Variants in ABCA9 observed in about 807,000 individuals in gnomAD.
ABCA9 encodes ATP binding cassette subfamily A member 9.
A neutral mutation model predicts 205.3 loss-of-function variants in ABCA9; 183 were observed. The ratio of observed to expected loss-of-function variants is 0.89; its 90% CI spans 0.79 to 1.01. ABCA9 has a LOEUF of 1.01. Ranked by LOEUF, ABCA9 falls within the 50% of genes least tolerant of loss-of-function variation. The pLI is 0.00. For synonymous variants in ABCA9, 651 were observed against 683.3 expected (o/e 0.95, Z 0.74); for missense variants, 1,805 against 1,912.4 (o/e 0.94, Z 1.05).
At chr17:69,061,890 G>A (rs2072264647), upstream of ABCA9, among the ~76,000 whole-genome samples, 1 of 152,158 alleles carries the variant, frequency 6.6e-6, no homozygotes, top group Non-Finnish European at 1.5e-5. Context: ...AAATTCTTCA[G>A]TACTGTAATT....
At position 68,990,957 on chromosome 17, in the gene ABCA9, T is replaced by G; in HGVS notation, c.3717A>C (p.Arg1239Ser). 1.2e-6 allele frequency: 2 copies of G among 1,607,514 alleles called. No homozygotes were observed. The highest frequency in any genetic ancestry group is 1.7e-6 in the Non-Finnish European group (2 of 1,178,450). ...KKLMRKDPVF[R>S]ISPRSNAIFP... ...AAATAGCGTTGCTTCTTGGAGAAAT[T>G]CTGAAATCAAAACAGTGTGATAATG... Residue 1239 changes from arginine to serine, a missense_variant and splice_region_variant, in exon 29 of 39, where the codon AGA becomes AGC. Arg to Ser is a moderately radical substitution (Grantham distance 110). Coordinates refer to ENST00000340001, the MANE Select transcript of ABCA9 (RefSeq NM_080283.4).
At chr17:68,985,695 C>G (rs956101485) in intron 32 of ABCA9, among the ~76,000 whole-genome samples, 59 of 152,174 alleles carry the variant, frequency 3.9e-4, no homozygotes, top group Non-Finnish European at 6.8e-4. Flanking sequence ...CCAGGTGGCT[C>G]ACACCTGTAA....
In ABCA9 at chr17:69,045,160, T is replaced by G. The variant is rs2071669430; in HGVS notation, c.469+12A>C. 6.2e-7 allele frequency: 1 copy of G among 1,609,690 alleles called. No homozygotes were observed. Among genetic ancestry groups the G allele is most frequent in the African/African-American group, 1.3e-5 (1 of 74,534 alleles). On this transcript the variant is annotated intron_variant, in intron 4 of 38. Transcript: ENST00000340001. ...AATAGCAAAAAAAATTTTTTTCTTC[T>G]TCAAAAGTTACCTGAATGGTCTCTG...
chr17:68,992,532 G>T, intron 27 of ABCA9: 1 of 255,162 alleles, frequency 3.9e-6, no homozygotes, highest in Non-Finnish European at 7.5e-6. Context: ...AGGAGTCCAG[G>T]GCCAGGAGCG....
intron 6 of ABCA9, among the ~76,000 whole-genome samples, chr17:69,041,059 A>G (rs2071518765): frequency 6.6e-6 from 1 of 152,212 alleles, no homozygotes; most frequent in Admixed American, 6.6e-5. Context: ...AAACAGGAAA[A>G]TTAAATGAAA....
chr17:68,993,805 T>A (rs2069530094), intron 26 of ABCA9, among the ~76,000 whole-genome samples: 1 of 152,156 alleles, frequency 6.6e-6, no homozygotes, highest in South Asian at 2.1e-4. Context: ...GTGCCCCAGT[T>A]GCCCACTTTC....
intron 6 of ABCA9, among the ~76,000 whole-genome samples, chr17:69,037,311 G>C (rs969509473): frequency 6.6e-6 from 1 of 151,938 alleles, no homozygotes; most frequent in Admixed American, 6.6e-5. Context: ...CTACATAATC[G>C]GAAGTAAAAC....
intron 6 of ABCA9, among the ~76,000 whole-genome samples, chr17:69,039,253 C>T (rs1220180677): frequency 6.6e-6 from 1 of 152,108 alleles, no homozygotes; most frequent in Non-Finnish European, 1.5e-5. Flanking sequence ...CCCACATAGC[C>T]AAGACAATCC....
At chr17:69,014,534 C>A (rs947759276) in intron 22 of ABCA9, among the ~76,000 whole-genome samples, 5 of 152,092 alleles carry the variant, frequency 3.3e-5, no homozygotes, top group African/African-American at 1.2e-4. Context: ...TCAAAGTCTG[C>A]TTGGGACATT....
rs138490105 is a variant in ABCA9, at chr17:69,037,529, C to A, written c.801-1728G>T. Among the ~76,000 whole-genome samples the A allele has an allele frequency of 4.7e-3, 716 of 152,208 alleles. 5 individuals are homozygous for A. Among genetic ancestry groups the A allele is most frequent in the African/African-American group, 0.017 (689 of 41,546 alleles). On this transcript the variant is annotated intron_variant, in intron 6 of 38. Transcript: ENST00000340001. ...TTTTTGAAATCAATGAGAACAAAGA[C>A]ACAACATACCAGAATCTCTGGGACA...
chr17:69,021,676 T>TTGTC, intron 18 of ABCA9, 66 bp downstream of exon 18: 2 of 1,037,670 alleles, frequency 1.9e-6, no homozygotes, highest in African/African-American at 2.1e-5. Flanking sequence ...AATCTTTCTT[T>TTGTC]CGTCCTTCCT....
chr17:69,072,496 GA>G, the ABCA9 span, among the ~76,000 whole-genome samples: 3 of 152,032 alleles, frequency 2.0e-5, no homozygotes, highest in Non-Finnish European at 2.9e-5. Flanking sequence ...CAGCCAAAAT[GA>G]ATTTCATAAG....
chr17:69,020,754 A>C, intron 18 of ABCA9, 168 bp from the exon 19 acceptor site: 1 of 574,914 alleles, frequency 1.7e-6, no homozygotes, highest in South Asian at 2.5e-5. Flanking sequence ...AATGGGAAAG[A>C]AGCAGAAAGT....
At chr17:69,060,530 AAAG>A (rs1256212913) in intron 1 of ABCA9, among the ~76,000 whole-genome samples, 1 of 152,180 alleles carries the variant, frequency 6.6e-6, no homozygotes, top group African/African-American at 2.4e-5. Context: ...AAAAACAAAC[AAAG>A]AAGAGTAAGT....
the ABCA9 span, among the ~76,000 whole-genome samples, chr17:69,066,255 G>C: frequency 1.3e-5 from 2 of 152,008 alleles, no homozygotes; most frequent in Non-Finnish European, 2.9e-5. Flanking sequence ...ACAACTGAAG[G>C]GTACAAAATC....
chr17:69,020,106 C>T, intron 19 of ABCA9: 1 of 298,918 alleles, frequency 3.3e-6, no homozygotes, highest in Non-Finnish European at 6.2e-6. Context: ...AGGATGGGAC[C>T]TAAGTACTAA....
chr17:68,981,068 TAG>T (rs1333316608), intron 37 of ABCA9, among the ~76,000 whole-genome samples: 9 of 149,846 alleles, frequency 6.0e-5, no homozygotes, highest in African/African-American at 1.7e-4. Context: ...AACTCAGAAG[TAG>T]AGAGTGGAAT....
At chr17:69,005,174 T>C (rs1208854273) in intron 25 of ABCA9, among the ~76,000 whole-genome samples, 1 of 152,206 alleles carries the variant, frequency 6.6e-6, no homozygotes, top group African/African-American at 2.4e-5. Flanking sequence ...CTCTGAGTAA[T>C]ATTTTGATGT....
Position 68,987,770 on chromosome 17 carries a change from TTTTG to T in ABCA9, c.4047+1253_4047+1256del, listed in dbSNP as rs1295816306. On this transcript the variant is annotated intron_variant, in intron 31 of 38. Coordinates refer to ENST00000340001, the MANE Select transcript of ABCA9 (RefSeq NM_080283.4). ...TGTTTGTTTGTTTGTTTGTTTGTTT[TTTTG>T]TTTGAGATGGAGTTTCTCTATTGTT... Among the ~76,000 whole-genome samples, 1,190 of 136,746 alleles carry T rather than the reference TTTTG, an allele frequency of 8.7e-3. 22 individuals are homozygous for T. Among genetic ancestry groups the T allele is most frequent in the African/African-American group, 0.02 (807 of 39,724 alleles). The allele number at this position is 136,746 out of a possible 152,430, so 89.7% of individuals were successfully genotyped here. A position where few individuals can be genotyped will look rare whatever the true frequency, so the allele number is the denominator to read the frequency against.
Sources: allele counts gnomAD v4.1 joint callset (sites outside exome capture counted in the v4.1 genomes callset), GRCh38; gene constraint gnomAD v4.1.1; transcripts MANE v1.5; gene names NCBI Gene and HGNC (gene_info 2026-07-23, HGNC 2026-07-21).